The following STAU2 variants were observed in gnomAD, a reference collection of about 807,000 sequenced individuals.
The protein encoded by STAU2 is double-stranded RNA-binding protein Staufen homolog 2.
Under a neutral mutation model 65.9 loss-of-function variants are expected in STAU2, and 20 were observed. The ratio of observed to expected loss-of-function variants is 0.30; its 90% CI spans 0.21 to 0.44. STAU2 has a LOEUF of 0.44. Ranked by LOEUF, STAU2 falls within the 20% of genes least tolerant of loss-of-function variation. STAU2 has a pLI of 1.00. For synonymous variants in STAU2, 232 were observed against 233.9 expected, an observed-to-expected ratio of 0.99 and a Z score of 0.07; for missense variants, 558 against 683.9, an observed-to-expected ratio of 0.82 and a Z score of 2.05.
chr8:73,452,489 C>G (rs1395767506), intron 13 of STAU2, among the ~76,000 whole-genome samples: 1 of 152,148 alleles, frequency 6.6e-6, no homozygotes, highest in African/African-American at 2.4e-5. Flanking sequence ...ATTTTATGAC[C>G]CTGGCCATTT....
chr8:73,667,289 A>AT (rs1239281691), intron 6 of STAU2, among the ~76,000 whole-genome samples: 1 of 152,084 alleles, frequency 6.6e-6, no homozygotes, highest in Non-Finnish European at 1.5e-5. Flanking sequence ...ATATCCAATT[A>AT]TTTTATCCCT....
chr8:73,625,372 C>A (rs573166043), intron 6 of STAU2, among the ~76,000 whole-genome samples: 1 of 152,068 alleles, frequency 6.6e-6, no homozygotes, highest in Non-Finnish European at 1.5e-5. Flanking sequence ...GTTTTACAGT[C>A]GTACAAAGGA....
At chr8:73,492,550 T>C (rs1821200978) in intron 13 of STAU2, among the ~76,000 whole-genome samples, 1 of 151,846 alleles carries the variant, frequency 6.6e-6, no homozygotes, top group Non-Finnish European at 1.5e-5. Flanking sequence ...CAAATGCCAA[T>C]GCCATCAACA....
At chr8:73,431,525 T>C (rs1241352230) in intron 13 of STAU2, among the ~76,000 whole-genome samples, 1 of 152,184 alleles carries the variant, frequency 6.6e-6, no homozygotes, top group East Asian at 1.9e-4. Context: ...TGCGTATCTG[T>C]ATGTGTGTCC....
chr8:73,456,607 C>T (rs1015894628), intron 13 of STAU2, among the ~76,000 whole-genome samples: 16 of 152,128 alleles, frequency 1.1e-4, no homozygotes, highest in South Asian at 2.1e-4. Flanking sequence ...GAGGCAGGAA[C>T]GAGCATGGGG....
intron 10 of STAU2, among the ~76,000 whole-genome samples, chr8:73,602,264 T>C (rs538775028): frequency 6.6e-6 from 1 of 152,312 alleles, no homozygotes; most frequent in East Asian, 1.9e-4. Flanking sequence ...AGCTATACAC[T>C]TAAACTTAAT....
intron 6 of STAU2, among the ~76,000 whole-genome samples, chr8:73,650,914 T>C (rs889120065): frequency 6.6e-6 from 1 of 152,060 alleles, no homozygotes; most frequent in Non-Finnish European, 1.5e-5. Flanking sequence ...AATGGGAGAA[T>C]AGAAGTAATG....
Position 73,603,825 on chromosome 8 carries a change from G to A in STAU2, c.930C>T (p.Ser310=), listed in dbSNP as rs1263316426. 6.2e-7 allele frequency: 1 copy of A among 1,612,010 alleles called. No homozygotes were observed. Among genetic ancestry groups the A allele is most frequent in the Non-Finnish European group, 8.5e-7 (1 of 1,179,784 alleles). ...PEYGQGMNPI[S]RLAQIQQAKK... is the part of the protein sequence containing the mutation. Reference sequence around the variant, plus strand: ...TGGCCTGTTGAATTTGCGCCAGGCGGCTAATAGGGTTCATCCCTTGGCCAT... The same window carrying A: ...TGGCCTGTTGAATTTGCGCCAGGCGACTAATAGGGTTCATCCCTTGGCCAT... Residue 310 remains serine (S), a synonymous_variant, in exon 10 of 15, where the codon AGC becomes AGT. Coordinates refer to ENST00000524300, the MANE Select transcript of STAU2 (RefSeq NM_001164380.2).
Position 73,422,663 on chromosome 8 carries a change from G to A in STAU2, c.1570C>T (p.Leu524=), listed in dbSNP as rs1444022498. 1 of 1,508,116 alleles carries A rather than the reference G, an allele frequency of 6.6e-7. No homozygotes were observed. The highest frequency in any genetic ancestry group is 1.4e-5 in the African/African-American group (1 of 71,434). 93.4% of individuals were successfully genotyped at this position (1,508,116 alleles called of 1,614,324 possible). A position where few individuals can be genotyped will look rare whatever the true frequency, so the allele number is the denominator to read the frequency against. Residue 524 remains leucine, a synonymous_variant, in exon 14 of 15, where the codon CTG becomes TTG. Transcript: ENST00000524300. ...SALKQFSEQG[L]DPIDGAMNIE... ...TTCATTGCTCCATCGATTGGATCCA[G>A]TCCTTGTTCAGAAAATTGTTTCAAG...
chr8:73,474,337 AG>A lies in STAU2; in HGVS notation c.1531-51636del, dbSNP rs1362970410. Among the ~76,000 whole-genome samples the A allele has an allele frequency of 3.9e-5, 6 of 152,286 alleles. 1 individual carries two copies. In the East Asian group the frequency reaches 1.2e-3, roughly 29 times the overall value. On this transcript the variant is annotated intron_variant, in intron 13 of 14. Coordinates refer to ENST00000524300, the MANE Select transcript of STAU2 (RefSeq NM_001164380.2). ...TTTCACCTTATAAAATGCAAATAAA[AG>A]TTGAGTGATCAAGTTTGGGGGATGG... is the stretch of plus-strand genomic sequence containing the variant.
intron 6 of STAU2, among the ~76,000 whole-genome samples, chr8:73,648,088 A>C (rs1314669515): frequency 6.6e-6 from 1 of 152,192 alleles, no homozygotes; most frequent in Non-Finnish European, 1.5e-5. Flanking sequence ...TGAATCTCTA[A>C]TTATTTCTAA....
chr8:73,479,279 C>A (rs13258430), intron 13 of STAU2, among the ~76,000 whole-genome samples: 114,839 of 151,958 alleles, frequency 0.76, 43,772 homozygotes, highest in East Asian at 0.95. Flanking sequence ...ACTGTTTCTT[C>A]ATTTTTTAAA....
intron 6 of STAU2, among the ~76,000 whole-genome samples, chr8:73,621,138 T>C (rs576570900): frequency 4.5e-4 from 69 of 152,330 alleles, no homozygotes; most frequent in African/African-American, 1.6e-3. Context: ...CAAAATCTCA[T>C]CTTGAATTGT....
chr8:73,731,829 C>T (rs1282301242), intron 3 of STAU2, among the ~76,000 whole-genome samples: 9 of 152,050 alleles, frequency 5.9e-5, no homozygotes, highest in African/African-American at 1.2e-4. Context: ...GTCCCAGCTA[C>T]TCAGGAGGCT....
At chr8:73,448,947 G>A (rs945005000) in intron 13 of STAU2, among the ~76,000 whole-genome samples, 3 of 152,260 alleles carry the variant, frequency 2.0e-5, no homozygotes, top group Non-Finnish European at 2.9e-5. Context: ...CTCTGAGGAG[G>A]GGCCTGCAGC....
chr8:73,554,746 T>G (rs1239356326), intron 12 of STAU2, among the ~76,000 whole-genome samples: 2 of 152,208 alleles, frequency 1.3e-5, no homozygotes, highest in Non-Finnish European at 2.9e-5. Flanking sequence ...TAGAACATTC[T>G]CTTACTTAAA....
At chr8:73,555,157 G>T (rs946176999) in intron 12 of STAU2, among the ~76,000 whole-genome samples, 3 of 152,204 alleles carry the variant, frequency 2.0e-5, no homozygotes, top group Admixed American at 6.5e-5. Flanking sequence ...GAAAGGAGAA[G>T]TGCTAAAAGC....
At chr8:73,658,943 C>CAACAACAACAA (rs373405572) in intron 6 of STAU2, among the ~76,000 whole-genome samples, 7 of 141,954 alleles carry the variant, frequency 4.9e-5, no homozygotes, top group African/African-American at 1.8e-4. Context: ...ACAAAAACAA[C>CAACAACAACAA]AAAAAAAAAA....
At chr8:73,443,404 A>G (rs1398412277) in intron 13 of STAU2, among the ~76,000 whole-genome samples, 2 of 152,234 alleles carry the variant, frequency 1.3e-5, no homozygotes, top group Admixed American at 1.3e-4. Flanking sequence ...TGACATTTCA[A>G]AGGAGGAAAA....
Sources: gnomAD v4.1 joint callset for allele counts (sites outside exome capture counted in the v4.1 genomes callset) on GRCh38, gnomAD v4.1.1 for gene constraint, MANE v1.5 for transcripts, NCBI Gene and HGNC (gene_info 2026-07-23, HGNC 2026-07-21) for gene names.